Variants in PTP4A3 observed in about 807,000 individuals in gnomAD.
The protein encoded by PTP4A3 is protein tyrosine phosphatase type IVA 3.
In PTP4A3, 9 loss-of-function variants were observed where a neutral mutation model predicts 15.2. The observed-to-expected ratio is 0.59, with a 90% CI of 0.36 to 1.03. The LOEUF is 1.03. PTP4A3 is among the 50% of genes least tolerant of loss of function. The pLI is 0.02. For synonymous variants in PTP4A3, 95 were observed against 102.0 expected (o/e 0.93, Z 0.41); for missense variants, 234 against 252.1 (o/e 0.93, Z 0.49).
intron 1 of PTP4A3, chr8:141,392,436 C>G (rs766346831): frequency 6.6e-6 from 1 of 152,270 alleles, no homozygotes; most frequent in Non-Finnish European, 1.5e-5. Flanking sequence ...AGGGTCCCGC[C>G]CAGGATCTGG....
chr8:141,415,937 T>C (rs1833034532), intron 1 of PTP4A3, among the ~76,000 whole-genome samples: 1 of 151,718 alleles, frequency 6.6e-6, no homozygotes, highest in Non-Finnish European at 1.5e-5. Context: ...CCCCTAGCAA[T>C]GGGCGGACTT....
At chr8:141,427,170 G>A (rs973381760) in intron 4 of PTP4A3, 101 bp downstream of exon 4, 12 of 1,502,420 alleles carry the variant, frequency 8.0e-6, no homozygotes, top group South Asian at 6.3e-5. Context: ...ACACGTCCAC[G>A]CGACCTTCCC....
Position 141,422,327 on chromosome 8 carries a change from G to T in PTP4A3, c.87G>T (p.Thr29=), listed in dbSNP as rs1285951161. 1 of 1,613,428 alleles carries T rather than the reference G, an allele frequency of 6.2e-7. No homozygotes were observed. Residue 29 remains threonine, a synonymous_variant, in exon 2 of 6, where the codon ACG becomes ACT. Transcript: ENST00000521578. ...TCACCCACAACCCCACCAACGCCAC[G>T]CTCAGCACCTTCATTGAGGTGAGTG... ...FLITHNPTNA[T]LSTFIEDLKK...
Position 141,394,279 on chromosome 8 carries a change from T to C in PTP4A3, c.-854+2195T>C, listed in dbSNP as rs144916987. On this transcript the variant is annotated intron_variant, in intron 1 of 5. Transcript: ENST00000521578. The stretch of plus-strand genomic sequence containing the variant: ...CCAGAGGGGCTGAGCTGGGAGCTCC[T>C]GGGCCTGGGGCTGGCAGATAGTGGT... Among the ~76,000 whole-genome samples the C allele has an allele frequency of 5.3e-5, 8 of 152,304 alleles. No homozygotes were observed. In the East Asian group the frequency reaches 1.5e-3, roughly 29 times the overall value.
At chr8:141,428,091 C>T (rs1433047070) in intron 5 of PTP4A3, among the ~76,000 whole-genome samples, 1 of 152,058 alleles carries the variant, frequency 6.6e-6, no homozygotes, top group Non-Finnish European at 1.5e-5. Context: ...GACAGAGCTC[C>T]TTCTGTCGCA....
Position 141,427,078 on chromosome 8 carries a change from C to T in PTP4A3, c.329+9C>T, listed in dbSNP as rs780488974. On this transcript the variant is annotated intron_variant, in intron 4 of 5. Transcript: ENST00000521578. ...GTGGCGGGCCTGGGCCGGTGAGTGT[C>T]GGGGCGGGGTAGGGCTCGCCATGTC... 46 of 1,596,466 alleles carry T rather than the reference C, an allele frequency of 2.9e-5. No individual in the cohort carries two copies. The highest frequency in any genetic ancestry group is 2.0e-4 in the Admixed American group (12 of 59,726).
intron 3 of PTP4A3, chr8:141,426,392 C>A: frequency 1.0e-6 from 1 of 971,518 alleles, no homozygotes; most frequent in Non-Finnish European, 1.2e-6. Flanking sequence ...TGGGCCGGGG[C>A]CCGGTGGAAC....
intron 2 of PTP4A3, among the ~76,000 whole-genome samples, chr8:141,424,126 GC>G (rs892048930): frequency 6.6e-6 from 1 of 152,108 alleles, no homozygotes; most frequent in African/African-American, 2.4e-5. Flanking sequence ...ACAGAGCCCA[GC>G]ACCCTGCCTG....
intron 5 of PTP4A3, among the ~76,000 whole-genome samples, chr8:141,429,968 C>T (rs1586573804): frequency 1.1e-5 from 1 of 87,556 alleles, no homozygotes; most frequent in Non-Finnish European, 2.5e-5. Context: ...GAGCGCACAG[C>T]CCACGTCCCC....
chr8:141,396,389 G>T (rs1832452224), intron 1 of PTP4A3, among the ~76,000 whole-genome samples: 1 of 152,182 alleles, frequency 6.6e-6, no homozygotes, highest in Non-Finnish European at 1.5e-5. Context: ...TTGGGGAAAG[G>T]TCAGTAAATG....
chr8:141,418,581 C>G (rs1414774854), intron 1 of PTP4A3, among the ~76,000 whole-genome samples: 2 of 152,184 alleles, frequency 1.3e-5, no homozygotes, highest in East Asian at 1.9e-4. Flanking sequence ...CCTGCTGGCC[C>G]GAGGAGGCTG....
At position 141,431,076 on chromosome 8, in the gene PTP4A3, T is replaced by C; in HGVS notation, c.*32T>C. On this transcript the variant is annotated 3_prime_UTR_variant, in exon 6 of 6. Transcript: ENST00000521578. ...ACCTTGGCTGGGCCTGGTCGTCATG[T>C]AGGTCAGGACCTTGGCTGGACCTGG... 6.2e-7 allele frequency: 1 copy of C among 1,603,034 alleles called. No homozygotes were observed. Among genetic ancestry groups the C allele is most frequent in the South Asian group, 1.1e-5 (1 of 90,896 alleles).
In PTP4A3 at chr8:141,425,947, A is replaced by G. The variant is rs1019263099; in HGVS notation, c.198+807A>G. Reference sequence around the variant, plus strand: ...GGTCACTCCGAGCCTTGGGTTCCTCACCTCAAAGCGAGGCTGCTTGGAAGA... The same window carrying G: ...GGTCACTCCGAGCCTTGGGTTCCTCGCCTCAAAGCGAGGCTGCTTGGAAGA... On this transcript the variant is annotated intron_variant, in intron 3 of 5. Transcript: ENST00000521578. The surrounding 1 kb of genome is among the most constrained non-coding windows in gnomAD (Gnocchi z 4.2). Among the ~76,000 whole-genome samples, 1 of 152,040 alleles carries G rather than the reference A, an allele frequency of 6.6e-6. No individual in the cohort carries two copies. Among genetic ancestry groups the G allele is most frequent in the Non-Finnish European group, 1.5e-5 (1 of 67,968 alleles).
intron 1 of PTP4A3, among the ~76,000 whole-genome samples, chr8:141,411,059 A>G (rs997664612): frequency 6.6e-6 from 1 of 151,866 alleles, no homozygotes; most frequent in Non-Finnish European, 1.5e-5. Context: ...GGCGTGGGGC[A>G]CCTCTGTGTG....
rs72685403 is a variant in PTP4A3, at chr8:141,412,801, C to T, written c.-853-8587C>T. 4.0e-3 allele frequency among the ~76,000 whole-genome samples: 603 copies of T among 152,332 alleles called. 1 individual carries two copies. Among genetic ancestry groups the T allele is most frequent in the Non-Finnish European group, 6.4e-3 (438 of 68,022 alleles). ...CATCTGGTGATGGGTTCATAATTCT[C>T]ATGTTGTGTGGGTGACTAACAAGGT... On this transcript the variant is annotated intron_variant, in intron 1 of 5. Transcript: ENST00000521578.
intron 1 of PTP4A3, among the ~76,000 whole-genome samples, chr8:141,416,991 G>T (rs756907640): frequency 3.3e-5 from 5 of 152,186 alleles, no homozygotes; most frequent in African/African-American, 4.8e-5. Context: ...GCTCCACCCT[G>T]CTCTGAGGGC....
At chr8:141,396,558 C>T (rs1200652736) in intron 1 of PTP4A3, among the ~76,000 whole-genome samples, 4 of 152,100 alleles carry the variant, frequency 2.6e-5, no homozygotes, top group Admixed American at 2.6e-4. Context: ...TGCTCTGGCC[C>T]ACTGGGAACA....
chr8:141,399,871 A>G (rs1426430281), intron 1 of PTP4A3, among the ~76,000 whole-genome samples: 1 of 152,198 alleles, frequency 6.6e-6, no homozygotes, highest in East Asian at 1.9e-4. Flanking sequence ...CACATGGGGG[A>G]GAGGCGACAT....
At chr8:141,417,949 G>A (rs888538363) in intron 1 of PTP4A3, among the ~76,000 whole-genome samples, 1 of 151,788 alleles carries the variant, frequency 6.6e-6, no homozygotes, top group Non-Finnish European at 1.5e-5. Context: ...GCGGCGCCCC[G>A]ACCCAGGGCC....
Sources: gnomAD v4.1 joint callset for allele counts (sites outside exome capture counted in the v4.1 genomes callset) on GRCh38, gnomAD v4.1.1 for gene constraint, Gnocchi (gnomAD v3.1) non-coding constraint, MANE v1.5 for transcripts, NCBI Gene and HGNC (gene_info 2026-07-23, HGNC 2026-07-21) for gene names.